Variants in DYM observed in about 807,000 individuals in gnomAD.
The protein encoded by DYM is dyggve-Melchior-Clausen syndrome protein.
A neutral mutation model predicts 93.1 loss-of-function variants in DYM; 78 were observed. The observed-to-expected ratio is 0.84, with a 90% confidence interval of 0.70 to 1.01. The LOEUF (loss-of-function observed/expected upper bound fraction) is 1.01. Among genes scored for constraint, DYM ranks in the 50% least tolerant of loss-of-function variants. The pLI is 0.00. For synonymous variants in DYM, 321 were observed against 319.7 expected (o/e 1.00, Z -0.04); for missense variants, 789 against 845.0 (o/e 0.93, Z 0.82).
At chr18:49,175,737 T>C (rs1355772243) in intron 14 of DYM, among the ~76,000 whole-genome samples, 5 of 152,216 alleles carry the variant, frequency 3.3e-5, no homozygotes. Flanking sequence ...ATCAGTACAC[T>C]AAGCACCACA....
At position 49,065,799 on chromosome 18, in the gene DYM, T is replaced by C. The variant is rs901973143; in HGVS notation, c.2026-21595A>G. 3.3e-5 allele frequency among the ~76,000 whole-genome samples: 5 copies of C among 152,346 alleles called. No homozygotes were observed. In the South Asian group the frequency reaches 8.3e-4, roughly 25 times the overall value. ...AACATATAACAACTATGAAATACTTTGATGTATCTCTTTCTAGTCCTTTTA... is the reference window on the plus strand; with the variant it reads ...AACATATAACAACTATGAAATACTTCGATGTATCTCTTTCTAGTCCTTTTA... On this transcript the variant is annotated intron_variant, in intron 17 of 17. Transcript: ENST00000675505.
intron 3 of DYM, among the ~76,000 whole-genome samples, chr18:49,383,350 T>G (rs1167359335): frequency 6.6e-6 from 1 of 152,086 alleles, no homozygotes; most frequent in East Asian, 1.9e-4. Context: ...CAGCATACGG[T>G]GGAGGGAGAG....
intron 17 of DYM, among the ~76,000 whole-genome samples, chr18:49,092,780 T>C (rs2079167040): frequency 1.3e-5 from 2 of 151,820 alleles, no homozygotes; most frequent in Non-Finnish European, 2.9e-5. Context: ...AGGAGAAGGG[T>C]GGTAGAAGGA....
chr18:49,154,228 G>A (rs1284934929), intron 15 of DYM, among the ~76,000 whole-genome samples: 1 of 152,018 alleles, frequency 6.6e-6, no homozygotes, highest in South Asian at 2.1e-4. Context: ...TCCTGGGTTG[G>A]GTCCCAGAAA....
chr18:49,099,256 TG>T (rs2079879262), intron 16 of DYM, among the ~76,000 whole-genome samples: 1 of 152,200 alleles, frequency 6.6e-6, no homozygotes, highest in African/African-American at 2.4e-5. Flanking sequence ...ACTGGATTTT[TG>T]TTTTGTTTAT....
chr18:49,445,100 T>C (rs943327514), intron 1 of DYM, among the ~76,000 whole-genome samples: 16 of 152,196 alleles, frequency 1.1e-4, no homozygotes, highest in Non-Finnish European at 2.4e-4. Flanking sequence ...TTTTGAGCTT[T>C]ATTAATAAAA....
chr18:49,095,456 T>TTG (rs2079456529), intron 17 of DYM, among the ~76,000 whole-genome samples: 1 of 151,954 alleles, frequency 6.6e-6, no homozygotes, highest in Non-Finnish European at 1.5e-5. Flanking sequence ...TGTTTTTTTT[T>TTG]TTTTGTTTTG....
intron 11 of DYM, among the ~76,000 whole-genome samples, chr18:49,260,454 G>A (rs1025185153): frequency 2.6e-5 from 4 of 152,102 alleles, no homozygotes; most frequent in African/African-American, 4.8e-5. Flanking sequence ...AAGTGCAGAC[G>A]TCATAGCCAC....
At chr18:49,226,509 T>G (rs1413852454) in intron 13 of DYM, among the ~76,000 whole-genome samples, 2 of 152,182 alleles carry the variant, frequency 1.3e-5, no homozygotes, top group African/African-American at 4.8e-5. Context: ...AATGTGTTAA[T>G]AGCATGTTGC....
At chr18:49,334,970 G>A (rs947980374) in intron 6 of DYM, among the ~76,000 whole-genome samples, 2 of 152,156 alleles carry the variant, frequency 1.3e-5, no homozygotes, top group Non-Finnish European at 1.5e-5. Context: ...AGCTGGGCAT[G>A]GTGGCGGGCA....
chr18:49,331,487 A>G (rs1273859068), intron 8 of DYM, among the ~76,000 whole-genome samples: 1 of 152,250 alleles, frequency 6.6e-6, no homozygotes, highest in Non-Finnish European at 1.5e-5. Flanking sequence ...GTCACATGAA[A>G]TCCTAACCAA....
chr18:49,161,178 C>CT (rs1384002042), intron 15 of DYM, among the ~76,000 whole-genome samples: 4 of 151,480 alleles, frequency 2.6e-5, no homozygotes, highest in Admixed American at 2.6e-4. Flanking sequence ...TTCATTTTTA[C>CT]TTAGTGAAAA....
intron 2 of DYM, among the ~76,000 whole-genome samples, chr18:49,396,694 G>A (rs2070136437): frequency 6.6e-6 from 1 of 152,098 alleles, no homozygotes; most frequent in Non-Finnish European, 1.5e-5. Context: ...ATCAATGGAT[G>A]AATTTTTTTA....
chr18:49,447,859 G>A (rs191923600), intron 1 of DYM, among the ~76,000 whole-genome samples: 12 of 152,296 alleles, frequency 7.9e-5, no homozygotes, highest in African/African-American at 2.9e-4. Flanking sequence ...TCAAGGGGAA[G>A]CGTCTTTGTG....
intron 13 of DYM, among the ~76,000 whole-genome samples, chr18:49,218,877 C>G (rs1470518789): frequency 6.6e-6 from 1 of 151,962 alleles, no homozygotes; most frequent in African/African-American, 2.4e-5. Context: ...CATTCAAAAG[C>G]TAGCAGAAGG....
chr18:49,040,280 T>C lies in DYM; in HGVS notation c.*3775A>G, dbSNP rs1168888260. 6.6e-6 allele frequency among the ~76,000 whole-genome samples: 1 copy of C among 152,234 alleles called. No homozygotes were observed. The highest frequency in any genetic ancestry group is 2.4e-5 in the African/African-American group (1 of 41,454). Reference sequence around the variant, plus strand: ...CTTTTCCTCTGGGGGATTTTGCTAATGCCAGAGGCTGTGTCTGAGTAGCTG... The same window carrying C: ...CTTTTCCTCTGGGGGATTTTGCTAACGCCAGAGGCTGTGTCTGAGTAGCTG... On this transcript the variant is annotated 3_prime_UTR_variant, in exon 18 of 18. Coordinates refer to ENST00000675505, the MANE Select transcript of DYM (RefSeq NM_001353214.3).
At chr18:49,410,361 C>T (rs567886849) in intron 2 of DYM, among the ~76,000 whole-genome samples, 1 of 152,058 alleles carries the variant, frequency 6.6e-6, no homozygotes, top group African/African-American at 2.4e-5. Flanking sequence ...TACCCAGTCA[C>T]TGGATTTTTA....
chr18:49,459,040 T>C (rs2083250459), intron 1 of DYM, among the ~76,000 whole-genome samples: 1 of 152,202 alleles, frequency 6.6e-6, no homozygotes, highest in Non-Finnish European at 1.5e-5. Context: ...CCTTTATTAT[T>C]TCACTGTGTG....
chr18:49,349,268 T>G (rs1273350998), intron 6 of DYM, among the ~76,000 whole-genome samples: 1 of 152,120 alleles, frequency 6.6e-6, no homozygotes, highest in Non-Finnish European at 1.5e-5. Context: ...TTTTATTAAC[T>G]TAAATACTAT....
Sources: allele counts gnomAD v4.1 joint callset (sites outside exome capture counted in the v4.1 genomes callset), GRCh38; gene constraint gnomAD v4.1.1; transcripts MANE v1.5; gene names NCBI Gene and HGNC (gene_info 2026-07-23, HGNC 2026-07-21).